Variants in BCL2 observed in about 807,000 individuals in gnomAD.
The protein encoded by BCL2 is apoptosis regulator Bcl-2.
BCL2 carries 1 observed loss-of-function variant against 14.2 expected under a neutral mutation model. That is an observed-to-expected ratio of 0.07 (90% CI 0.02 to 0.33). The LOEUF (loss-of-function observed/expected upper bound fraction) is 0.33. Ranked by LOEUF, BCL2 falls within the 10% of genes least tolerant of loss-of-function variation. The pLI is 0.99. For synonymous variants in BCL2, 151 were observed against 137.2 expected, an observed-to-expected ratio of 1.10 and a Z score of -0.70; for missense variants, 247 against 305.9, an observed-to-expected ratio of 0.81 and a Z score of 1.44.
chr18:63,169,414 TC>T (rs1915169563), intron 2 of BCL2, among the ~76,000 whole-genome samples: 1 of 135,762 alleles, frequency 7.4e-6, no homozygotes. Context: ...TTTCTTTCTC[TC>T]TCTCTCTCTC....
intron 2 of BCL2, among the ~76,000 whole-genome samples, chr18:63,284,661 C>T (rs182464901): frequency 4.1e-4 from 63 of 152,284 alleles, no homozygotes; most frequent in Non-Finnish European, 1.5e-4. Flanking sequence ...AAAAAGCTAC[C>T]TTCAAATGTA....
intron 2 of BCL2, among the ~76,000 whole-genome samples, chr18:63,252,487 G>A (rs545396814): frequency 3.2e-4 from 48 of 152,314 alleles, no homozygotes; most frequent in African/African-American, 1.1e-3. Flanking sequence ...CCCACATGCT[G>A]TGGGAGGAAC....
intron 2 of BCL2, among the ~76,000 whole-genome samples, chr18:63,277,367 T>C (rs963728635): frequency 1.3e-5 from 2 of 152,068 alleles, no homozygotes; most frequent in African/African-American, 4.8e-5. Context: ...GTGTGGCGGC[T>C]CATGTCTGTA....
At chr18:63,214,460 A>G (rs752772672) in intron 2 of BCL2, among the ~76,000 whole-genome samples, 7 of 152,264 alleles carry the variant, frequency 4.6e-5, no homozygotes, top group Admixed American at 6.5e-5. Flanking sequence ...ACTTGAAGTC[A>G]GGTCTCACCC....
rs981042375 is a variant in BCL2, at chr18:63,319,705, G to A, written c.-818C>T. The A allele has an allele frequency of 2.1e-4, 44 of 214,480 alleles. No individual in the cohort carries two copies. The highest frequency in any genetic ancestry group is 9.7e-4 in the African/African-American group (43 of 44,260). The allele number at this position is 214,480 out of a possible 1,614,324, so 13.3% of individuals were successfully genotyped here. On this transcript the variant is annotated 5_prime_UTR_variant, in exon 1 of 3. Coordinates refer to ENST00000333681, the MANE Select transcript of BCL2 (RefSeq NM_000633.3). ...AAAAGCTGCTGGATAAATGAAGGCA[G>A]GACGCGCCTGGCCCGCCGGTGCCGA...
intron 2 of BCL2, among the ~76,000 whole-genome samples, chr18:63,227,397 C>T (rs1218965417): frequency 3.3e-5 from 5 of 152,124 alleles, no homozygotes; most frequent in South Asian, 2.1e-4. Flanking sequence ...TTGGTAGAGA[C>T]GTGGTTTCAC....
At chr18:63,220,172 T>A (rs1021122268) in intron 2 of BCL2, among the ~76,000 whole-genome samples, 3 of 152,176 alleles carry the variant, frequency 2.0e-5, no homozygotes, top group African/African-American at 7.2e-5. Flanking sequence ...GATGAAAACT[T>A]TTGTAAGGGA....
At chr18:63,139,606 G>C (rs1914302979) in intron 2 of BCL2, among the ~76,000 whole-genome samples, 1 of 152,198 alleles carries the variant, frequency 6.6e-6, no homozygotes, top group Non-Finnish European at 1.5e-5. Context: ...TGCCAGGAGA[G>C]AACAGGCCCA....
intron 2 of BCL2, among the ~76,000 whole-genome samples, chr18:63,162,721 G>A (rs1463323961): frequency 1.3e-5 from 2 of 152,154 alleles, no homozygotes; most frequent in Admixed American, 1.3e-4. Flanking sequence ...CACTAGGGCA[G>A]CATCCTCACT....
chr18:63,217,145 T>G (rs1190879465), intron 2 of BCL2, among the ~76,000 whole-genome samples: 1 of 152,242 alleles, frequency 6.6e-6, no homozygotes, highest in Non-Finnish European at 1.5e-5. Flanking sequence ...CTAGCATTCC[T>G]GAAGCAGATG....
At chr18:63,128,804 G>A (rs199540938) in intron 2 of BCL2, 45 bp from the exon 3 acceptor site, 3 of 741,902 alleles carry the variant, frequency 4.0e-6, no homozygotes, top group Admixed American at 3.7e-5. Flanking sequence ...GAGTATTAGA[G>A]AGAGAGCAGA....
At chr18:63,173,082 A>G (rs577839639) in intron 2 of BCL2, among the ~76,000 whole-genome samples, 4 of 152,390 alleles carry the variant, frequency 2.6e-5, no homozygotes, top group African/African-American at 9.6e-5. Flanking sequence ...GCTCCAATAT[A>G]GAAGTTGTGA....
chr18:63,262,706 AAT>A (rs780214967), intron 2 of BCL2, among the ~76,000 whole-genome samples: 1 of 152,170 alleles, frequency 6.6e-6, no homozygotes, highest in Non-Finnish European at 1.5e-5. Flanking sequence ...GGGGTAAGCA[AAT>A]ACCACCACTA....
chr18:63,145,482 G>A (rs1192706404), intron 2 of BCL2, among the ~76,000 whole-genome samples: 2 of 152,184 alleles, frequency 1.3e-5, no homozygotes, highest in Admixed American at 6.5e-5. Context: ...GGCACCCCTC[G>A]TGACTCCTCA....
intron 2 of BCL2, among the ~76,000 whole-genome samples, chr18:63,241,084 T>C (rs1249740586): frequency 1.3e-5 from 2 of 152,240 alleles, no homozygotes; most frequent in Admixed American, 1.3e-4. Flanking sequence ...AGACAATACA[T>C]AGCAAATGGG....
intron 2 of BCL2, among the ~76,000 whole-genome samples, chr18:63,235,870 CTA>C (rs552414659): frequency 1.3e-3 from 195 of 150,902 alleles, no homozygotes; most frequent in Non-Finnish European, 2.0e-3. Context: ...TATCCTTAAA[CTA>C]TATATATATA....
At chr18:63,211,476 A>G (rs1475799612) in intron 2 of BCL2, among the ~76,000 whole-genome samples, 1 of 152,106 alleles carries the variant, frequency 6.6e-6, no homozygotes, top group Non-Finnish European at 1.5e-5. Flanking sequence ...TCTCTATGTG[A>G]CATTTTTTTA....
rs969299252 is a variant in BCL2, at chr18:63,229,062, T to C, written c.585+89020A>G. Among the ~76,000 whole-genome samples, 8 of 152,356 alleles carry C rather than the reference T, an allele frequency of 5.3e-5. No homozygotes were observed. The East Asian group carries it at 1.5e-3, about 29-fold the overall frequency. On this transcript the variant is annotated intron_variant, in intron 2 of 2. Transcript: ENST00000333681. Reference sequence around the variant, plus strand: ...AGAGGATCACTTGTTAATATGAAGATATATTCACCAGAATCCTTTTGTATG... The same window carrying C: ...AGAGGATCACTTGTTAATATGAAGACATATTCACCAGAATCCTTTTGTATG...
At chr18:63,292,550 T>C (rs553020340) in intron 2 of BCL2, among the ~76,000 whole-genome samples, 7 of 152,162 alleles carry the variant, frequency 4.6e-5, no homozygotes, top group Non-Finnish European at 8.8e-5. Flanking sequence ...AAGGGGGGGC[T>C]TGCGCACAGA....
Sources: allele counts gnomAD v4.1 joint callset (sites outside exome capture counted in the v4.1 genomes callset), GRCh38; gene constraint gnomAD v4.1.1; transcripts MANE v1.5; gene names NCBI Gene and HGNC (gene_info 2026-07-23, HGNC 2026-07-21).